Variants in LMX1B observed in about 807,000 individuals in gnomAD.
LMX1B encodes the protein LIM homeobox transcription factor 1 beta, also known as LIM homeobox transcription factor 1-beta.
Under a neutral mutation model 51.4 loss-of-function variants are expected in LMX1B, and 12 were observed. That is an observed-to-expected ratio of 0.23 (90% CI 0.15 to 0.38). The LOEUF is 0.38. Ranked by LOEUF, LMX1B falls within the 10% of genes least tolerant of loss-of-function variation. LMX1B has a pLI of 1.00. For missense variants in LMX1B, 445 were observed against 571.1 expected, an observed-to-expected ratio of 0.78 and a Z score of 2.25; for synonymous variants, 237 against 235.4, an observed-to-expected ratio of 1.01 and a Z score of -0.06.
rs2118951015 is a variant in LMX1B, at chr9:126,673,794, G to C, written c.327-17042G>C. Among the ~76,000 whole-genome samples the C allele has an allele frequency of 6.6e-6, 1 of 152,270 alleles. No homozygotes were observed. Among genetic ancestry groups the C allele is most frequent in the African/African-American group, 2.4e-5 (1 of 41,578 alleles). On this transcript the variant is annotated intron_variant, in intron 2 of 7. Coordinates refer to ENST00000373474, the MANE Select transcript of LMX1B (RefSeq NM_001174147.2). The surrounding 1 kb of genome is among the most constrained non-coding windows in gnomAD (Gnocchi z 4.4). ...TGCAGGGGTGGTGGGAGGGGCCGGG[G>C]TGGAGGGCGCATCCCCACGGGGAGA...
chr9:126,699,041 T>C lies in LMX1B; in HGVS notation c.*2590T>C, dbSNP rs77350418. 1 of 51,330 alleles carries C rather than the reference T, an allele frequency of 1.9e-5. No homozygotes were observed. Among genetic ancestry groups the C allele is most frequent in the Admixed American group, 1.6e-4 (1 of 6,066 alleles). The allele number at this position is 51,330 out of a possible 1,614,324, so 3.2% of individuals were successfully genotyped here. On this transcript the variant is annotated 3_prime_UTR_variant, in exon 8 of 8. Transcript: ENST00000373474. The stretch of plus-strand genomic sequence containing the variant: ...CTGGCTTCTGGAGAGACACCCCTCT[T>C]TCTCCTTTTGCACATGCACCATCTG...
rs1372229793 is a variant in LMX1B at position 126,658,962 on chromosome 9, C to G, written c.327-31874C>G. Among the ~76,000 whole-genome samples, 1 of 152,166 alleles carries G rather than the reference C, an allele frequency of 6.6e-6. No individual in the cohort carries two copies. The highest frequency in any genetic ancestry group is 1.5e-5 in the Non-Finnish European group (1 of 68,012). The stretch of plus-strand genomic sequence containing the variant: ...AGGATGGGGCAGGCCTGATCCAAGG[C>G]TGGGATACAGGGTGGGAGGGACCCT... On this transcript the variant is annotated intron_variant, in intron 2 of 7. Transcript: ENST00000373474. This position sits in a 1 kb window ranked among gnomAD's most constrained non-coding sequence, Gnocchi z 4.0.
chr9:126,635,834 G>T (rs1835705367), intron 2 of LMX1B, among the ~76,000 whole-genome samples: 1 of 152,154 alleles, frequency 6.6e-6, no homozygotes, highest in South Asian at 2.1e-4. Flanking sequence ...ATGAGCTGTG[G>T]CCTCTCAAAG....
intron 2 of LMX1B, among the ~76,000 whole-genome samples, chr9:126,679,934 A>C (rs1247025927): frequency 6.6e-6 from 1 of 151,444 alleles, no homozygotes; most frequent in Admixed American, 6.6e-5. Flanking sequence ...CTGCCCCACC[A>C]CTCTGCCCTC....
rs2030381380 is a variant in LMX1B at position 126,697,463 on chromosome 9, C to T, written c.*1012C>T. The T allele has an allele frequency of 6.5e-6, 1 of 152,716 alleles. No individual in the cohort carries two copies. Among genetic ancestry groups the T allele is most frequent in the African/African-American group, 2.4e-5 (1 of 41,458 alleles). The allele number at this position is 152,716 out of a possible 1,614,324, so 9.5% of individuals were successfully genotyped here. ...CCCCAGCCACCTCTGCCTCCCCTCA[C>T]ATACCTCCAGTGACAAGGAGCTCAC... On this transcript the variant is annotated 3_prime_UTR_variant, in exon 8 of 8. Transcript: ENST00000373474.
rs1343726729 is a variant in LMX1B at position 126,691,119 on chromosome 9, G to A, written c.559+51G>A. ...AGGCCTCAGGGACGGGGGTTGCTGGGGTGTCCTGGAGGGGAGTCCCGGCTG... is the reference window on the plus strand; with the variant it reads ...AGGCCTCAGGGACGGGGGTTGCTGGAGTGTCCTGGAGGGGAGTCCCGGCTG... On this transcript the variant is annotated intron_variant, in intron 3 of 7. Transcript: ENST00000373474. 6 of 1,473,582 alleles carry A rather than the reference G, an allele frequency of 4.1e-6. No homozygotes were observed. The African/African-American group carries it at 8.4e-5, about 21-fold the overall frequency. The allele number at this position is 1,473,582 out of a possible 1,614,324, so 91.3% of individuals were successfully genotyped here.
chr9:126,667,141 AC>A (rs1836355942), intron 2 of LMX1B, among the ~76,000 whole-genome samples: 1 of 152,210 alleles, frequency 6.6e-6, no homozygotes, highest in African/African-American at 2.4e-5. Context: ...CAGATGCGTA[AC>A]GTTCCAGGCC....
At chr9:126,630,932 C>T (rs954872537) in intron 2 of LMX1B, among the ~76,000 whole-genome samples, 5 of 152,260 alleles carry the variant, frequency 3.3e-5, no homozygotes, top group East Asian at 3.8e-4. Flanking sequence ...CGTTGTCTGG[C>T]CTTTGAAGGG....
rs1329774793 is a variant in LMX1B at position 126,673,123 on chromosome 9, G to C, written c.327-17713G>C. Among the ~76,000 whole-genome samples the C allele has an allele frequency of 6.6e-6, 1 of 152,218 alleles. No homozygotes were observed. Among genetic ancestry groups the C allele is most frequent in the Non-Finnish European group, 1.5e-5 (1 of 68,024 alleles). On this transcript the variant is annotated intron_variant, in intron 2 of 7. Coordinates refer to ENST00000373474, the MANE Select transcript of LMX1B (RefSeq NM_001174147.2). The surrounding 1 kb of genome is among the most constrained non-coding windows in gnomAD (Gnocchi z 4.4). ...AGTTTTCTCATCTGAGAAATGGGAA[G>C]ACTCATTCTCCTTGCCTTCCAGGGT...
chr9:126,624,590 T>C (rs1475840705), intron 2 of LMX1B, among the ~76,000 whole-genome samples: 4 of 151,792 alleles, frequency 2.6e-5, no homozygotes, highest in Non-Finnish European at 5.9e-5. Context: ...CCGGCGCGGA[T>C]GCTAGGGCCG....
Position 126,625,439 on chromosome 9 carries a change from C to T in LMX1B, c.326+9870C>T, listed in dbSNP as rs902918871. 1.3e-5 allele frequency among the ~76,000 whole-genome samples: 2 copies of T among 152,196 alleles called. No homozygotes were observed. The highest frequency in any genetic ancestry group is 4.8e-5 in the African/African-American group (2 of 41,452). On this transcript the variant is annotated intron_variant, in intron 2 of 7. Transcript: ENST00000373474. This position sits in a 1 kb window ranked among gnomAD's most constrained non-coding sequence, Gnocchi z 5.3. Reference sequence around the variant, plus strand: ...TCCCCTCTTCCCAGGAAAGGTGGCACTCCGGGTGCACACCCACCACCCCCA... The same window carrying T: ...TCCCCTCTTCCCAGGAAAGGTGGCATTCCGGGTGCACACCCACCACCCCCA...
intron 2 of LMX1B, among the ~76,000 whole-genome samples, chr9:126,660,635 A>G (rs1836226483): frequency 6.6e-6 from 1 of 152,202 alleles, no homozygotes; most frequent in African/African-American, 2.4e-5. Flanking sequence ...AAAGGCTTGT[A>G]TCAAAGCCTA....
rs531912708 is a variant in LMX1B at position 126,673,361 on chromosome 9, C to T, written c.327-17475C>T. ...TGGACTTCCTGGGCGTCTGACACAC[C>T]AGGCCCCACAAACAACTCCGCACCA... On this transcript the variant is annotated intron_variant, in intron 2 of 7. Transcript: ENST00000373474. The surrounding 1 kb of genome is among the most constrained non-coding windows in gnomAD (Gnocchi z 4.4). Among the ~76,000 whole-genome samples the T allele has an allele frequency of 1.1e-4, 16 of 152,116 alleles. 2 individuals carry two copies. In the South Asian group the frequency reaches 1.5e-3, roughly 14 times the overall value.
At chr9:126,655,558 C>T (rs929161645) in intron 2 of LMX1B, among the ~76,000 whole-genome samples, 2 of 152,172 alleles carry the variant, frequency 1.3e-5, no homozygotes, top group African/African-American at 4.8e-5. Context: ...AGAGGTTTCT[C>T]CTGTTTTGTT....
chr9:126,677,297 C>T lies in LMX1B; in HGVS notation c.327-13539C>T, dbSNP rs563373600. On this transcript the variant is annotated intron_variant, in intron 2 of 7. Transcript: ENST00000373474. This position sits in a 1 kb window ranked among gnomAD's most constrained non-coding sequence, Gnocchi z 5.0. ...ATTCCTGCTCCTGCCCCCTCCTCTCCGAGCTCCCCTGGGCTCAGCATGGAG... is the reference window on the plus strand; with the variant it reads ...ATTCCTGCTCCTGCCCCCTCCTCTCTGAGCTCCCCTGGGCTCAGCATGGAG... Among the ~76,000 whole-genome samples the T allele has an allele frequency of 2.6e-5, 4 of 152,340 alleles. No homozygotes were observed. Among genetic ancestry groups the T allele is most frequent in the South Asian group, 4.1e-4 (2 of 4,834 alleles).
chr9:126,619,355 C>T (rs1835366832), intron 2 of LMX1B, among the ~76,000 whole-genome samples: 2 of 152,192 alleles, frequency 1.3e-5, no homozygotes. Flanking sequence ...CCGGCCTTCT[C>T]TGGCTACTTC....
At chr9:126,621,566 A>G (rs1012418716) in intron 2 of LMX1B, among the ~76,000 whole-genome samples, 3 of 150,940 alleles carry the variant, frequency 2.0e-5, no homozygotes, top group African/African-American at 7.4e-5. Context: ...TTCTCCATTC[A>G]TGTCATAAAT....
chr9:126,678,335 A>AAAAAAAAAAAAAAAAAC (rs1836610286), intron 2 of LMX1B, among the ~76,000 whole-genome samples: 1 of 141,320 alleles, frequency 7.1e-6, no homozygotes, highest in African/African-American at 2.8e-5. Context: ...AAAACAAAAA[A>AAAAAAAAAAAAAAAAAC]AAAAAACAAA....
At chr9:126,637,283 A>G (rs62578132) in intron 2 of LMX1B, among the ~76,000 whole-genome samples, 26,488 of 152,088 alleles carry the variant, frequency 0.17, 3,191 homozygotes, top group East Asian at 0.42. Flanking sequence ...CGGCAGGAGC[A>G]GCGCCTGTGT....
Sources: allele counts gnomAD v4.1 joint callset (sites outside exome capture counted in the v4.1 genomes callset), GRCh38; gene constraint gnomAD v4.1.1; non-coding constraint Gnocchi (gnomAD v3.1); transcripts MANE v1.5; gene names NCBI Gene and HGNC (gene_info 2026-07-23, HGNC 2026-07-21).